Variants in PRKG1 observed in about 807,000 individuals in gnomAD.
The protein encoded by PRKG1 is protein kinase cGMP-dependent 1, also known as cGMP-dependent protein kinase 1.
PRKG1 carries 35 observed loss-of-function variants against 88.1 expected under a neutral mutation model. That is an observed-to-expected ratio of 0.40 (90% CI 0.30 to 0.53). PRKG1 has a LOEUF of 0.53. Among genes scored for constraint, PRKG1 ranks in the 20% least tolerant of loss-of-function variants. The pLI, the probability that PRKG1 is intolerant of heterozygous loss-of-function variation, is 0.59. For missense variants in PRKG1, 540 were observed against 839.8 expected (o/e 0.64, Z 4.41); for synonymous variants, 303 against 292.5 (o/e 1.04, Z -0.37).
chr10:51,721,223 A>G (rs1298290430), intron 3 of PRKG1, among the ~76,000 whole-genome samples: 3 of 151,248 alleles, frequency 2.0e-5, no homozygotes, highest in Non-Finnish European at 2.9e-5. Flanking sequence ...AAAAAAAAAA[A>G]AAAAAAAAAG....
At chr10:51,022,335 G>T (rs1843149779) in intron 1 of PRKG1, among the ~76,000 whole-genome samples, 1 of 152,208 alleles carries the variant, frequency 6.6e-6, no homozygotes, top group South Asian at 2.1e-4. Flanking sequence ...AGCCCCCTGT[G>T]TCTGGGTTTG....
chr10:51,900,057 T>C (rs905153017), intron 4 of PRKG1, among the ~76,000 whole-genome samples: 7 of 152,186 alleles, frequency 4.6e-5, no homozygotes, highest in African/African-American at 1.7e-4. Flanking sequence ...GCTGGTGCCA[T>C]GCTTTTACAG....
intron 9 of PRKG1, among the ~76,000 whole-genome samples, chr10:52,239,510 T>G (rs74780846): frequency 0.23 from 28,462 of 122,978 alleles, 3,609 homozygotes; most frequent in Non-Finnish European, 0.27. Context: ...AAAATAAAAA[T>G]TTCTACAGTG....
At chr10:52,148,586 G>A (rs1837797558) in intron 8 of PRKG1, among the ~76,000 whole-genome samples, 2 of 152,204 alleles carry the variant, frequency 1.3e-5, no homozygotes, top group Admixed American at 1.3e-4. Flanking sequence ...AGGAAGAAAT[G>A]TGTGTCACAT....
chr10:51,742,554 T>C (rs1376766025), intron 3 of PRKG1, among the ~76,000 whole-genome samples: 1 of 152,154 alleles, frequency 6.6e-6, no homozygotes, highest in Non-Finnish European at 1.5e-5. Context: ...CCCTCAGCCA[T>C]GCTCAAGTTG....
In PRKG1 at chr10:52,271,332, C is replaced by A; in HGVS notation, c.1174-18C>A. 1 of 1,609,662 alleles carries A rather than the reference C, an allele frequency of 6.2e-7. No individual in the cohort carries two copies. The highest frequency in any genetic ancestry group is 1.3e-5 in the African/African-American group (1 of 74,806). On this transcript the variant is annotated intron_variant, in intron 10 of 17. Transcript: ENST00000373980. Reference sequence around the variant, plus strand: ...AAGTCTATGGGCTTTTTCTTACTCTCTTCTCTCTTTCTTTAAGGTCCAGTT... The same window carrying A: ...AAGTCTATGGGCTTTTTCTTACTCTATTCTCTCTTTCTTTAAGGTCCAGTT...
intron 9 of PRKG1, among the ~76,000 whole-genome samples, chr10:52,250,856 A>AGT (rs1247698403): frequency 6.6e-6 from 1 of 152,148 alleles, no homozygotes; most frequent in Non-Finnish European, 1.5e-5. Context: ...TTGGAATAGC[A>AGT]GTCCATGCTT....
At position 52,280,763 on chromosome 10, in the gene PRKG1, A is replaced by G. The variant is rs1252526764; in HGVS notation, c.1404-26A>G. On this transcript the variant is annotated intron_variant, in intron 12 of 17. Coordinates refer to ENST00000373980, the MANE Select transcript of PRKG1 (RefSeq NM_006258.4). ...ATTACAGAAATTAATTTTTTATACA[A>G]TTTTCATTCCATTTCTGCACCTCAG... The G allele has an allele frequency of 3.1e-6, 5 of 1,601,656 alleles. No homozygotes were observed. The Admixed American group carries it at 8.6e-5, about 28-fold the overall frequency.
intron 3 of PRKG1, among the ~76,000 whole-genome samples, chr10:51,547,971 T>G (rs1274097062): frequency 6.6e-6 from 1 of 152,148 alleles, no homozygotes; most frequent in African/African-American, 2.4e-5. Context: ...TTTTTAAGCT[T>G]TATAATTTCC....
chr10:51,118,078 G>T (rs78246279), intron 1 of PRKG1, among the ~76,000 whole-genome samples: 3 of 152,102 alleles, frequency 2.0e-5, no homozygotes, highest in African/African-American at 7.2e-5. Flanking sequence ...GAATTACATG[G>T]CATTGGAGAT....
chr10:51,644,526 C>T (rs1839871790), intron 3 of PRKG1, among the ~76,000 whole-genome samples: 1 of 152,040 alleles, frequency 6.6e-6, no homozygotes, highest in African/African-American at 2.4e-5. Flanking sequence ...ATTGTTCCAA[C>T]TTAGACCAGT....
At chr10:51,619,736 G>A (rs1454513666) in intron 3 of PRKG1, among the ~76,000 whole-genome samples, 1 of 152,156 alleles carries the variant, frequency 6.6e-6, no homozygotes, top group Non-Finnish European at 1.5e-5. Flanking sequence ...AGATTTTAGA[G>A]ATTATAGGTA....
chr10:51,305,309 A>G (rs1425486446), intron 2 of PRKG1, among the ~76,000 whole-genome samples: 1 of 152,170 alleles, frequency 6.6e-6, no homozygotes. Context: ...TAGGCCTCCT[A>G]TCCTGCTTTA....
intron 9 of PRKG1, among the ~76,000 whole-genome samples, chr10:52,222,384 C>T (rs552574436): frequency 1.3e-5 from 2 of 152,214 alleles, no homozygotes; most frequent in East Asian, 3.9e-4. Flanking sequence ...AAACTCCAAG[C>T]CTACTATAAT....
chr10:52,126,257 A>G (rs1488376562), intron 7 of PRKG1, among the ~76,000 whole-genome samples: 6 of 152,162 alleles, frequency 3.9e-5, no homozygotes, highest in Admixed American at 2.0e-4. Flanking sequence ...AAGGTCAGGC[A>G]TACAAAATAT....
intron 8 of PRKG1, among the ~76,000 whole-genome samples, chr10:52,152,030 G>C (rs1837941174): frequency 6.6e-6 from 1 of 152,050 alleles, no homozygotes; most frequent in South Asian, 2.1e-4. Flanking sequence ...GCTGTATTAG[G>C]ATGCTAGGCA....
intron 12 of PRKG1, among the ~76,000 whole-genome samples, chr10:52,273,627 G>A (rs1488425329): frequency 6.6e-6 from 1 of 151,784 alleles, no homozygotes; most frequent in Admixed American, 6.6e-5. Flanking sequence ...TCTTATATAT[G>A]CCAAATGGAT....
intron 1 of PRKG1, among the ~76,000 whole-genome samples, chr10:51,088,794 A>G (rs1019811623): frequency 6.7e-6 from 1 of 149,320 alleles, no homozygotes; most frequent in African/African-American, 2.5e-5. Flanking sequence ...GGCACACAGT[A>G]GATATTTAAT....
At chr10:51,007,435 T>C (rs1376491747) in intron 1 of PRKG1, among the ~76,000 whole-genome samples, 2 of 152,200 alleles carry the variant, frequency 1.3e-5, no homozygotes, top group South Asian at 2.1e-4. Context: ...AAGCTATTAA[T>C]GATAAATTAA....
Sources: allele counts gnomAD v4.1 joint callset (sites outside exome capture counted in the v4.1 genomes callset), GRCh38; gene constraint gnomAD v4.1.1; transcripts MANE v1.5; gene names NCBI Gene and HGNC (gene_info 2026-07-23, HGNC 2026-07-21).